WT1: variants seen among roughly 807,000 people sequenced by gnomAD.
WT1 encodes WT1 transcription factor, also known as Wilms tumor protein.
WT1 carries 8 observed loss-of-function variants against 60.8 expected under a neutral mutation model. The observed-to-expected ratio is 0.13, with a 90% confidence interval of 0.08 to 0.24. The LOEUF (loss-of-function observed/expected upper bound fraction) is 0.24. Ranked by LOEUF, WT1 falls within the 10% of genes least tolerant of loss-of-function variation. The pLI, the probability that WT1 is intolerant of heterozygous loss-of-function variation, is 1.00. For synonymous variants in WT1, 312 were observed against 297.1 expected, an observed-to-expected ratio of 1.05 and a Z score of -0.52; for missense variants, 568 against 711.8, an observed-to-expected ratio of 0.80 and a Z score of 2.30.
At position 32,421,143 on chromosome 11, in the gene WT1, A is replaced by T. The variant is rs557129735; in HGVS notation, c.888-3489T>A. 9.2e-5 allele frequency among the ~76,000 whole-genome samples: 14 copies of T among 152,268 alleles called. No homozygotes were observed. In the South Asian group the frequency reaches 2.9e-3, roughly 32 times the overall value. On this transcript the variant is annotated intron_variant, in intron 3 of 9. Coordinates refer to ENST00000452863, the MANE Select transcript of WT1 (RefSeq NM_024426.6). ...GGGAGGGGACAAAAATGTGAACTGGAGCTAAAAATACTGGGCCGAAGCATG... is the reference window on the plus strand; with the variant it reads ...GGGAGGGGACAAAAATGTGAACTGGTGCTAAAAATACTGGGCCGAAGCATG...
chr11:32,403,412 A>G (rs1852214824), intron 5 of WT1, among the ~76,000 whole-genome samples: 1 of 152,128 alleles, frequency 6.6e-6, no homozygotes, highest in African/African-American at 2.4e-5. Context: ...ACCAACCCCC[A>G]TTTGGAGCAG....
At position 32,391,957 on chromosome 11, in the gene WT1, G is replaced by A. The variant is rs2132913385; in HGVS notation, c.1447+15C>T. 1 of 1,610,744 alleles carries A rather than the reference G, an allele frequency of 6.2e-7. No individual in the cohort carries two copies. The highest frequency in any genetic ancestry group is 8.5e-7 in the Non-Finnish European group (1 of 1,177,052). On this transcript the variant is annotated intron_variant, in intron 9 of 9. Transcript: ENST00000452863. ...AAAAATAATGAAAAATAAATGTGAAGAAAAGTTTACGCACTTGTTTTACCT... is the reference window on the plus strand; with the variant it reads ...AAAAATAATGAAAAATAAATGTGAAAAAAAGTTTACGCACTTGTTTTACCT...
In WT1 at chr11:32,396,323, A is replaced by G. The variant is rs746353651; in HGVS notation, c.1198T>C (p.Tyr400His). 27 of 1,614,198 alleles carry G rather than the reference A, an allele frequency of 1.7e-5. No homozygotes were observed. The highest frequency in any genetic ancestry group is 2.1e-5 in the Non-Finnish European group (25 of 1,180,038). Reference sequence around the variant, plus strand: ...AAATATCTCTTATTGCAGCCTGGGTAAGCACACATGAAGGGGCGTTTCTCA... The same window carrying G: ...AAATATCTCTTATTGCAGCCTGGGTGAGCACACATGAAGGGGCGTTTCTCA... The change falls in exon 7 of 10, where the codon TAC (tyrosine) becomes CAC (histidine). Residue 400 changes from tyrosine to histidine, a missense_variant. Physicochemically the swap from Tyr to His is moderately conservative, Grantham distance 83. Coordinates refer to ENST00000452863, the MANE Select transcript of WT1 (RefSeq NM_024426.6).
At chr11:32,395,092 C>T (rs1851927689) in intron 7 of WT1, among the ~76,000 whole-genome samples, 1 of 152,202 alleles carries the variant, frequency 6.6e-6, no homozygotes, top group Non-Finnish European at 1.5e-5. Flanking sequence ...AGAATTGCAT[C>T]CTCTGGACAC....
intron 7 of WT1, among the ~76,000 whole-genome samples, chr11:32,395,249 C>T (rs1486268585): frequency 2.6e-5 from 4 of 152,208 alleles, no homozygotes; most frequent in African/African-American, 9.6e-5. Flanking sequence ...GAAAAGGCAG[C>T]AGTAGCTCCT....
rs2133108367 is a variant in WT1, at chr11:32,435,388, G to A, written c.-28C>T. ...TCGCGGCGAGGAGACGGCGGGGCCC[G>A]GGCGCCTGGGCTGCCGTCCCGGCTC... is the stretch of plus-strand genomic sequence containing the variant. On this transcript the variant is annotated 5_prime_UTR_variant, in exon 1 of 10. Coordinates refer to ENST00000452863, the MANE Select transcript of WT1 (RefSeq NM_024426.6). The A allele has an allele frequency of 6.6e-7, 1 of 1,516,570 alleles. No homozygotes were observed. The highest frequency in any genetic ancestry group is 1.2e-5 in the South Asian group (1 of 83,020). 93.9% of individuals were successfully genotyped at this position (1,516,570 alleles called of 1,614,324 possible).
chr11:32,388,869 G>T lies in WT1; in HGVS notation c.*189C>A. ...GGGCCTGTGAGTCAACTAAAAGTAG[G>T]CAGGGCAGAGACCAACTCTTCCAGG... On this transcript the variant is annotated 3_prime_UTR_variant, in exon 10 of 10. Coordinates refer to ENST00000452863, the MANE Select transcript of WT1 (RefSeq NM_024426.6). 1 of 999,982 alleles carries T rather than the reference G, an allele frequency of 1.0e-6. No homozygotes were observed. Among genetic ancestry groups the T allele is most frequent in the Non-Finnish European group, 1.4e-6 (1 of 692,582 alleles). The allele number at this position is 999,982 out of a possible 1,614,324, so 61.9% of individuals were successfully genotyped here.
chr11:32,411,923 C>A (rs140454115), intron 5 of WT1, among the ~76,000 whole-genome samples: 1 of 152,098 alleles, frequency 6.6e-6, no homozygotes, highest in Non-Finnish European at 1.5e-5. Flanking sequence ...AAACTTTAAA[C>A]GGTGGAAAAT....
In WT1 at chr11:32,434,960, G is replaced by A. The variant is rs748974419; in HGVS notation, c.401C>T (p.Pro134Leu). Residue 134 changes from proline (P) to leucine (L), a missense_variant, in exon 1 of 10, where the codon CCG (proline) becomes CTG (leucine). By Grantham distance (98) the Pro-to-Leu change is moderately conservative. Transcript: ENST00000452863. Reference sequence around the variant, plus strand: ...GTGAGGCGGCGGCGGCGGGGGTGGCGGCGGAGCCGGTGGCGGCGCGGGGCC... The same window carrying A: ...GTGAGGCGGCGGCGGCGGGGGTGGCAGCGGAGCCGGTGGCGGCGCGGGGCC... 11 of 1,554,308 alleles carry A rather than the reference G, an allele frequency of 7.1e-6. No individual in the cohort carries two copies. In the South Asian group the frequency reaches 1.2e-4, roughly 16 times the overall value.
At chr11:32,406,897 G>A (rs1041062999) in intron 5 of WT1, among the ~76,000 whole-genome samples, 7 of 152,000 alleles carry the variant, frequency 4.6e-5, no homozygotes, top group African/African-American at 1.7e-4. Context: ...TCAGGAGTTC[G>A]AGACCAGCCT....
chr11:32,393,636 T>C (rs1590334177), intron 7 of WT1, among the ~76,000 whole-genome samples: 1 of 152,336 alleles, frequency 6.6e-6, no homozygotes, highest in East Asian at 1.9e-4. Context: ...TATTCCCCAC[T>C]ATGCCAGAGC....
At chr11:32,405,441 C>G (rs927932976) in intron 5 of WT1, among the ~76,000 whole-genome samples, 5 of 151,070 alleles carry the variant, frequency 3.3e-5, no homozygotes, top group Middle Eastern at 3.5e-3. Flanking sequence ...AAGAGTAAGA[C>G]TCTGTCTGTA....
At chr11:32,402,302 C>T (rs5030243) in intron 5 of WT1, among the ~76,000 whole-genome samples, 3 of 152,210 alleles carry the variant, frequency 2.0e-5, no homozygotes, top group Non-Finnish European at 4.4e-5. Context: ...ACCCAAAGAA[C>T]ATATGCCCTT....
chr11:32,416,629 C>A, intron 4 of WT1, 89 bp from the exon 5 acceptor site: 2 of 1,486,652 alleles, frequency 1.3e-6, no homozygotes, highest in Non-Finnish European at 1.9e-6. Flanking sequence ...TGAAAAGCCC[C>A]TCAATACACA....
rs1396104394 is a variant in WT1, at chr11:32,435,088, C to T, written c.273G>A (p.Leu91=). The change falls in exon 1 of 10, where the codon CTG becomes CTA. Residue 91 remains leucine, a synonymous_variant. Transcript: ENST00000452863. ...GCAGGGCACAGCCGCCGCCGCCACCCAGGGAGGGGACGGCGGGCAGCAGCG... is the reference window on the plus strand; with the variant it reads ...GCAGGGCACAGCCGCCGCCGCCACCTAGGGAGGGGACGGCGGGCAGCAGCG... The T allele has an allele frequency of 4.0e-6, 6 of 1,502,602 alleles. No homozygotes were observed. The East Asian group carries it at 1.3e-4, about 34-fold the overall frequency. The allele number at this position is 1,502,602 out of a possible 1,614,324, so 93.1% of individuals were successfully genotyped here.
At chr11:32,407,378 C>G (rs1302452972) in intron 5 of WT1, among the ~76,000 whole-genome samples, 1 of 152,052 alleles carries the variant, frequency 6.6e-6, no homozygotes, top group Non-Finnish European at 1.5e-5. Flanking sequence ...TGAGGAAAAC[C>G]AGAGCCGCCC....
chr11:32,393,457 A>G (rs1240517660), intron 7 of WT1, among the ~76,000 whole-genome samples: 3 of 152,222 alleles, frequency 2.0e-5, no homozygotes, highest in South Asian at 4.1e-4. Context: ...CTGAGCCCCA[A>G]GAGAAGTGAG....
chr11:32,407,500 C>G (rs1021155126), intron 5 of WT1, among the ~76,000 whole-genome samples: 1 of 152,180 alleles, frequency 6.6e-6, no homozygotes, highest in Non-Finnish European at 1.5e-5. Context: ...CCTGTCATTT[C>G]TCTCTCCCAC....
chr11:32,392,587 T>A, intron 8 of WT1, 79 bp downstream of exon 8: 1 of 1,400,504 alleles, frequency 7.1e-7, no homozygotes, highest in South Asian at 1.2e-5. Context: ...TCATTCATAT[T>A]CAACAACAAA....
Sources: gnomAD v4.1 joint callset for allele counts (sites outside exome capture counted in the v4.1 genomes callset) on GRCh38, gnomAD v4.1.1 for gene constraint, MANE v1.5 for transcripts, NCBI Gene and HGNC (gene_info 2026-07-23, HGNC 2026-07-21) for gene names.